Variants in N4BP2L2 observed in about 807,000 individuals in gnomAD.
The protein encoded by N4BP2L2 is NEDD4-binding protein 2-like 2.
N4BP2L2 carries 50 observed loss-of-function variants against 56.2 expected under a neutral mutation model. That is an observed-to-expected ratio of 0.89 (90% CI 0.71 to 1.13). The LOEUF is 1.13. Among genes scored for constraint, N4BP2L2 ranks in the 50% most tolerant of loss-of-function variants. The pLI is 0.00. For synonymous variants in N4BP2L2, 203 were observed against 223.6 expected (o/e 0.91, Z 0.82); for missense variants, 689 against 693.8 (o/e 0.99, Z 0.08).
chr13:32,526,001 A>C (rs1030171983), intron 3 of N4BP2L2, among the ~76,000 whole-genome samples: 2 of 150,338 alleles, frequency 1.3e-5, no homozygotes, highest in African/African-American at 4.9e-5. Context: ...ACCATTACTA[A>C]GAACAGGACA....
At chr13:32,535,984 A>T in exon 2 of N4BP2L2, 2 of 1,614,036 alleles carry the variant, frequency 1.2e-6, no homozygotes, top group Non-Finnish European at 1.7e-6. Context: ...TTCCAGAGGG[A>T]TGAACACTAC....
intron 6 of N4BP2L2, among the ~76,000 whole-genome samples, chr13:32,452,356 C>CA (rs915288546): frequency 6.6e-6 from 1 of 152,006 alleles, no homozygotes; most frequent in Non-Finnish European, 1.5e-5. Context: ...CCACTGCGCC[C>CA]AGCCAGCACC....
Position 32,496,806 on chromosome 13 carries a change from C to T in N4BP2L2, c.365+21051G>A, listed in dbSNP as rs571280593. 3.0e-4 allele frequency among the ~76,000 whole-genome samples: 46 copies of T among 152,314 alleles called. 1 individual carries two copies. In the South Asian group the frequency reaches 9.3e-3, roughly 31 times the overall value. The stretch of plus-strand genomic sequence containing the variant: ...CCCCACCTCTGACATGTTCCCCACC[C>T]ACAGCTCCAGCTTTCCTCTCACTCT... On this transcript the variant is annotated intron_variant, in intron 6 of 9. Coordinates refer to the N4BP2L2 transcript ENST00000357505.
intron 6 of N4BP2L2, among the ~76,000 whole-genome samples, chr13:32,451,716 A>G (rs1593478677): frequency 7.5e-6 from 1 of 133,050 alleles, no homozygotes; most frequent in East Asian, 2.2e-4. Flanking sequence ...CTGCCCAGCT[A>G]TTTTTTTTTT....
chr13:32,433,931 C>CAAA (rs60540916), intron 9 of N4BP2L2, among the ~76,000 whole-genome samples: 5 of 86,018 alleles, frequency 5.8e-5, no homozygotes, highest in South Asian at 8.5e-4. Flanking sequence ...GACCGTGTCT[C>CAAA]AAAAAAAAAA....
intron 6 of N4BP2L2, among the ~76,000 whole-genome samples, chr13:32,466,992 A>C (rs916871342): frequency 6.6e-6 from 1 of 152,228 alleles, no homozygotes. Context: ...AGATTTTAGT[A>C]AGGCATTTTA....
intron 7 of N4BP2L2, among the ~76,000 whole-genome samples, chr13:32,440,599 T>TAG (rs2076167440): frequency 6.6e-6 from 1 of 151,838 alleles, no homozygotes; most frequent in Non-Finnish European, 1.5e-5. Flanking sequence ...CCTAACTAGG[T>TAG]TTACAGGCAT....
chr13:32,479,156 C>A (rs563359789), intron 6 of N4BP2L2, among the ~76,000 whole-genome samples: 1 of 151,542 alleles, frequency 6.6e-6, no homozygotes, highest in East Asian at 1.9e-4. Flanking sequence ...TAAAAAAGAA[C>A]GTTATGATAT....
chr13:32,442,482 T>A, exon 7 of N4BP2L2: 3 of 1,613,722 alleles, frequency 1.9e-6, no homozygotes, highest in Non-Finnish European at 2.5e-6. Flanking sequence ...CAGTGCTTGT[T>A]AAGTCTTGGC....
intron 3 of N4BP2L2, among the ~76,000 whole-genome samples, chr13:32,525,773 T>C (rs1414442740): frequency 1.3e-5 from 2 of 152,192 alleles, no homozygotes; most frequent in African/African-American, 4.8e-5. Context: ...AGGGCAACCC[T>C]AGTTGGCAGC....
At chr13:32,509,408 CA>C (rs1381619854), downstream of N4BP2L2, 1 of 152,186 alleles carries the variant, frequency 6.6e-6, no homozygotes, top group African/African-American at 2.4e-5. Context: ...ACTTTTATTA[CA>C]AACTGCCCTG....
rs140307827 is a variant in N4BP2L2, at chr13:32,499,486, A to G, written c.365+18371T>C. ...ATTCCTATATACATTGGTAAAGTCA[A>G]TGCAGCAAGGAAGCCTCATTTGTTT... On this transcript the variant is annotated intron_variant, in intron 6 of 9. Coordinates refer to the N4BP2L2 transcript ENST00000357505. 7.4e-4 allele frequency among the ~76,000 whole-genome samples: 113 copies of G among 152,330 alleles called. 2 individuals carry two copies. In the East Asian group the frequency reaches 0.02, roughly 26 times the overall value.
At chr13:32,536,004 C>G (rs1566196208) in exon 2 of N4BP2L2, 1 of 1,613,956 alleles carries the variant, frequency 6.2e-7, no homozygotes. Flanking sequence ...CTCCTATTCT[C>G]ACTACAGTCA....
rs145501645 is a variant in N4BP2L2, at chr13:32,492,167, G to T, written c.365+25690C>A. 4.1e-4 allele frequency among the ~76,000 whole-genome samples: 62 copies of T among 151,562 alleles called. 1 individual carries two copies. The East Asian group carries it at 0.011, about 27-fold the overall frequency. ...TTGCTTCTTGTCCTAAGCCTGAAAT[G>T]AGATAGATGACATCTGTGCATAATT... On this transcript the variant is annotated intron_variant, in intron 6 of 9. Coordinates refer to the N4BP2L2 transcript ENST00000357505.
At chr13:32,487,496 A>AG (rs1436187419) in intron 6 of N4BP2L2, among the ~76,000 whole-genome samples, 3 of 151,258 alleles carry the variant, frequency 2.0e-5, no homozygotes, top group Non-Finnish European at 4.4e-5. Flanking sequence ...GAAAAAGAAA[A>AG]GAAAAAAAAG....
chr13:32,453,213 G>A (rs764088142), intron 6 of N4BP2L2, among the ~76,000 whole-genome samples: 6 of 152,138 alleles, frequency 3.9e-5, no homozygotes, highest in East Asian at 1.9e-4. Context: ...CCCAGATCTC[G>A]CCACTGCACT....
At chr13:32,512,569 A>C (rs554790848) in exon 6 of N4BP2L2, 1 of 152,358 alleles carries the variant, frequency 6.6e-6, no homozygotes, top group South Asian at 2.1e-4. Flanking sequence ...AGAAGGAAGA[A>C]AAAGAGATTA....
intron 8 of N4BP2L2, chr13:32,438,625 TACACAC>T: frequency 2.1e-6 from 3 of 1,425,266 alleles, no homozygotes; most frequent in Non-Finnish European, 2.9e-6. Flanking sequence ...CAAAAATACA[TACACAC>T]ACACACACAC....
At chr13:32,457,209 A>G (rs1356270947) in intron 6 of N4BP2L2, among the ~76,000 whole-genome samples, 1 of 152,168 alleles carries the variant, frequency 6.6e-6, no homozygotes, top group African/African-American at 2.4e-5. Context: ...CATAAAAAGA[A>G]TGAACAAAAC....
Sources: gnomAD v4.1 joint callset for allele counts (sites outside exome capture counted in the v4.1 genomes callset) on GRCh38, gnomAD v4.1.1 for gene constraint, MANE v1.5 for transcripts, NCBI Gene and HGNC (gene_info 2026-07-23, HGNC 2026-07-21) for gene names.